The following SEMA3A variants were observed in gnomAD, a reference collection of about 807,000 sequenced individuals.
The protein encoded by SEMA3A is semaphorin-3A.
Under a neutral mutation model 97.9 loss-of-function variants are expected in SEMA3A, and 29 were observed. The observed-to-expected ratio is 0.30, with a 90% CI of 0.22 to 0.40. SEMA3A has a LOEUF of 0.40. Ranked by LOEUF, SEMA3A falls within the 10% of genes least tolerant of loss-of-function variation. The pLI is 1.00. For missense variants in SEMA3A, 763 were observed against 951.3 expected (o/e 0.80, Z 2.60); for synonymous variants, 321 against 323.7 (o/e 0.99, Z 0.09).
chr7:84,014,978 T>C lies in SEMA3A; in HGVS notation c.668-627A>G, dbSNP rs978277122. 3.9e-4 allele frequency among the ~76,000 whole-genome samples: 60 copies of C among 152,246 alleles called. 1 individual carries two copies. The highest frequency in any genetic ancestry group is 1.4e-3 in the African/African-American group (58 of 41,548). The stretch of plus-strand genomic sequence containing the variant: ...TCTTACCACATTCTTCAATACCACC[T>C]TCCTTCAGGAAACTATTGCCAATCT... On this transcript the variant is annotated intron_variant, in intron 6 of 16. Coordinates refer to ENST00000265362, the MANE Select transcript of SEMA3A (RefSeq NM_006080.3).
Position 84,084,766 on chromosome 7 carries a change from T to C in SEMA3A, c.454-24208A>G, listed in dbSNP as rs945284580. Among the ~76,000 whole-genome samples, 6 of 152,124 alleles carry C rather than the reference T, an allele frequency of 3.9e-5. No homozygotes were observed. The South Asian group carries it at 6.2e-4, about 16-fold the overall frequency. ...TTAAAAAACGCAAAGCACTTTTTTATAGAGCTTCTTATTTTGTGGTTTTAA... is the reference window on the plus strand; with the variant it reads ...TTAAAAAACGCAAAGCACTTTTTTACAGAGCTTCTTATTTTGTGGTTTTAA... On this transcript the variant is annotated intron_variant, in intron 4 of 16. Coordinates refer to ENST00000265362, the MANE Select transcript of SEMA3A (RefSeq NM_006080.3).
intron 2 of SEMA3A, among the ~76,000 whole-genome samples, chr7:84,336,951 C>T (rs919179197): frequency 5.3e-5 from 8 of 151,970 alleles, no homozygotes; most frequent in African/African-American, 1.9e-4. Flanking sequence ...ATGCCAACAC[C>T]TTCCCTAGAC....
At chr7:84,403,430 C>A (rs891757632) in intron 1 of SEMA3A, among the ~76,000 whole-genome samples, 1 of 152,188 alleles carries the variant, frequency 6.6e-6, no homozygotes, top group Non-Finnish European at 1.5e-5. Flanking sequence ...CACCACAGCT[C>A]AAGGAGGCCT....
intron 1 of SEMA3A, among the ~76,000 whole-genome samples, chr7:84,425,390 A>AT (rs1804778014): frequency 7.5e-6 from 1 of 132,778 alleles, no homozygotes; most frequent in African/African-American, 2.7e-5. Flanking sequence ...ATATGCATAT[A>AT]ATATATTCAC....
chr7:84,197,381 A>G (rs112619443), upstream of SEMA3A, among the ~76,000 whole-genome samples: 369 of 152,296 alleles, frequency 2.4e-3, 1 homozygote, highest in African/African-American at 8.6e-3. Flanking sequence ...TAACTGTCCT[A>G]GACTGATTAA....
intron 1 of SEMA3A, among the ~76,000 whole-genome samples, chr7:84,146,875 G>A (rs895172490): frequency 6.6e-6 from 1 of 152,142 alleles, no homozygotes; most frequent in African/African-American, 2.4e-5. Flanking sequence ...TCTGTTATCA[G>A]TCAGTCCACT....
chr7:84,277,760 C>G (rs894125282), intron 3 of SEMA3A, among the ~76,000 whole-genome samples: 6 of 152,114 alleles, frequency 3.9e-5, no homozygotes, highest in African/African-American at 1.4e-4. Context: ...GCCTGGCTCA[C>G]AAAAGCATTC....
intron 1 of SEMA3A, among the ~76,000 whole-genome samples, chr7:84,405,672 G>A (rs2116230030): frequency 6.6e-6 from 1 of 152,198 alleles, no homozygotes; most frequent in African/African-American, 2.4e-5. Context: ...AAATGTAAAA[G>A]AACAGAAATT....
intron 3 of SEMA3A, among the ~76,000 whole-genome samples, chr7:84,114,291 C>T (rs6970168): frequency 0.4 from 60,148 of 151,926 alleles, 13,825 homozygotes; most frequent in Admixed American, 0.51. Context: ...TCTAAGTAAG[C>T]GAAGAGAAAA....
At chr7:84,218,533 A>G (rs987091640) in intron 3 of SEMA3A, among the ~76,000 whole-genome samples, 1 of 152,204 alleles carries the variant, frequency 6.6e-6, no homozygotes, top group African/African-American at 2.4e-5. Context: ...TAGAAACATC[A>G]AACTGAATAT....
intron 1 of SEMA3A, among the ~76,000 whole-genome samples, chr7:84,425,337 A>G (rs1272260799): frequency 2.3e-5 from 2 of 86,144 alleles, no homozygotes; most frequent in Non-Finnish European, 2.5e-5. Context: ...TAAATATAAT[A>G]TATTGATATA....
rs1788271106 is a variant in SEMA3A at position 83,955,966 on chromosome 7, A to G, written c.*5405T>C. On this transcript the variant is annotated 3_prime_UTR_variant, in exon 17 of 17. Transcript: ENST00000265362. ...TATAGTGTTTAGATTAAAAGAAAGA[A>G]AATCCATTCTTTTGTTATATGAGAA... The G allele has an allele frequency of 1.3e-5, 2 of 152,168 alleles. No individual in the cohort carries two copies. Among genetic ancestry groups the G allele is most frequent in the Non-Finnish European group, 2.9e-5 (2 of 68,006 alleles). 9.4% of individuals were successfully genotyped at this position (152,168 alleles called of 1,614,324 possible).
At chr7:84,436,831 A>G (rs1489254366) in intron 1 of SEMA3A, among the ~76,000 whole-genome samples, 1 of 152,174 alleles carries the variant, frequency 6.6e-6, no homozygotes, top group African/African-American at 2.4e-5. Context: ...GACTAGATTT[A>G]AGCCACAGTT....
intron 2 of SEMA3A, among the ~76,000 whole-genome samples, chr7:84,331,906 G>A (rs1236241435): frequency 6.6e-6 from 1 of 152,176 alleles, no homozygotes; most frequent in South Asian, 2.1e-4. Flanking sequence ...AACCCCACTG[G>A]CAATGAGGTA....
intron 2 of SEMA3A, among the ~76,000 whole-genome samples, chr7:84,317,163 G>A (rs1801527544): frequency 6.6e-6 from 1 of 152,014 alleles, no homozygotes; most frequent in South Asian, 2.1e-4. Context: ...AAAACTTATG[G>A]GAGTATACAG....
chr7:84,063,049 T>C (rs1793313730), intron 4 of SEMA3A, among the ~76,000 whole-genome samples: 1 of 151,814 alleles, frequency 6.6e-6, no homozygotes, highest in African/African-American at 2.4e-5. Context: ...GCAGTGGTTC[T>C]CCCAGCACGC....
chr7:84,424,861 T>G (rs1398029750), intron 1 of SEMA3A, among the ~76,000 whole-genome samples: 1 of 76,728 alleles, frequency 1.3e-5, no homozygotes, highest in Non-Finnish European at 2.2e-5. Flanking sequence ...AAATAATTTA[T>G]ATAAATATAA....
chr7:84,422,031 T>C (rs1349725194), intron 1 of SEMA3A, among the ~76,000 whole-genome samples: 1 of 152,144 alleles, frequency 6.6e-6, no homozygotes, highest in African/African-American at 2.4e-5. Context: ...GCTGGCCTCA[T>C]AAAATGAGTT....
At chr7:84,354,380 T>C (rs928727109) in intron 2 of SEMA3A, among the ~76,000 whole-genome samples, 23 of 151,832 alleles carry the variant, frequency 1.5e-4, no homozygotes, top group South Asian at 4.1e-4. Context: ...TGTTTTCAAA[T>C]AAATTTTACT....
Sources: allele counts gnomAD v4.1 joint callset (sites outside exome capture counted in the v4.1 genomes callset), GRCh38; gene constraint gnomAD v4.1.1; transcripts MANE v1.5; gene names NCBI Gene and HGNC (gene_info 2026-07-23, HGNC 2026-07-21).